FOXJ3: variants seen among roughly 807,000 people sequenced by gnomAD.
The protein encoded by FOXJ3 is forkhead box J3.
Under a neutral mutation model 76.1 loss-of-function variants are expected in FOXJ3, and 22 were observed. That is an observed-to-expected ratio of 0.29 (90% CI 0.21 to 0.41). The LOEUF is 0.41. Ranked by LOEUF, FOXJ3 falls within the 10% of genes least tolerant of loss-of-function variation. FOXJ3 has a pLI of 1.00. For synonymous variants in FOXJ3, 269 were observed against 261.2 expected (o/e 1.03, Z -0.29); for missense variants, 613 against 762.1 (o/e 0.80, Z 2.30).
chr1:42,302,248 T>C (rs2124735467), intron 2 of FOXJ3, among the ~76,000 whole-genome samples: 1 of 152,344 alleles, frequency 6.6e-6, no homozygotes, highest in Non-Finnish European at 1.5e-5. Context: ...TACTGTGTCA[T>C]GCAATTAAAC....
At chr1:42,292,967 G>T (rs1653539893) in intron 2 of FOXJ3, among the ~76,000 whole-genome samples, 1 of 152,006 alleles carries the variant, frequency 6.6e-6, no homozygotes, top group Non-Finnish European at 1.5e-5. Context: ...CAGGTGTGGT[G>T]GTGGGCACCT....
At chr1:42,189,011 G>T in intron 10 of FOXJ3, 83 bp from the exon 11 acceptor site, 2 of 924,268 alleles carry the variant, frequency 2.2e-6, no homozygotes, top group Non-Finnish European at 3.1e-6. Context: ...ATTTTTTTCA[G>T]CTCTCAAAAT....
chr1:42,333,815 A>C (rs1379522133), intron 1 of FOXJ3, among the ~76,000 whole-genome samples: 1 of 152,246 alleles, frequency 6.6e-6, no homozygotes, highest in Non-Finnish European at 1.5e-5. Flanking sequence ...GAAGTAAAAG[A>C]GCTTCTACAA....
chr1:42,324,089 CTGTATATAT>C (rs1451396331), intron 1 of FOXJ3, among the ~76,000 whole-genome samples: 3 of 50,842 alleles, frequency 5.9e-5, no homozygotes, highest in African/African-American at 1.6e-4. Context: ...AGTATATATA[CTGTATATAT>C]ACTGTGTATA....
At chr1:42,182,065 A>G (rs1410805282) in intron 11 of FOXJ3, 41 bp from the exon 12 acceptor site, 1 of 1,049,466 alleles carries the variant, frequency 9.5e-7, no homozygotes, top group South Asian at 1.4e-5. Flanking sequence ...ACATGTTACC[A>G]CAAATAAAAC....
intron 3 of FOXJ3, among the ~76,000 whole-genome samples, chr1:42,274,676 G>T (rs1652124340): frequency 6.6e-6 from 1 of 152,076 alleles, no homozygotes; most frequent in Non-Finnish European, 1.5e-5. Context: ...GTGCCTGGCA[G>T]ACAGAAAATA....
intron 2 of FOXJ3, among the ~76,000 whole-genome samples, chr1:42,289,235 G>A (rs1218423193): frequency 6.6e-6 from 1 of 151,514 alleles, no homozygotes; most frequent in Non-Finnish European, 1.5e-5. Context: ...ATATAATTAT[G>A]TATGTGTGTT....
At chr1:42,332,098 T>G (rs1255441527) in intron 1 of FOXJ3, among the ~76,000 whole-genome samples, 1 of 152,208 alleles carries the variant, frequency 6.6e-6, no homozygotes, top group South Asian at 2.1e-4. Context: ...TACACCGCAT[T>G]TGAAACTGTC....
Position 42,222,859 on chromosome 1 carries a change from C to T in FOXJ3, c.528+5024G>A, listed in dbSNP as rs567153889. The stretch of plus-strand genomic sequence containing the variant: ...CTTTTAATGATAGACACTTAACCCT[C>T]ATTTATTAGACATATACCCTGAATG... On this transcript the variant is annotated intron_variant, in intron 5 of 12. Coordinates refer to ENST00000361346, the MANE Select transcript of FOXJ3 (RefSeq NM_014947.5). 1.5e-3 allele frequency among the ~76,000 whole-genome samples: 225 copies of T among 152,254 alleles called. 1 individual carries two copies. The highest frequency in any genetic ancestry group is 5.3e-3 in the African/African-American group (219 of 41,542).
intron 1 of FOXJ3, among the ~76,000 whole-genome samples, chr1:42,322,384 T>C (rs1433103442): frequency 6.6e-6 from 1 of 152,062 alleles, no homozygotes. Flanking sequence ...AGAAAATATT[T>C]ACATTTTCTT....
chr1:42,272,165 T>C (rs1651911672), intron 3 of FOXJ3, among the ~76,000 whole-genome samples: 1 of 152,206 alleles, frequency 6.6e-6, no homozygotes, highest in African/African-American at 2.4e-5. Context: ...TCTGGAAAGG[T>C]GGTGACAGTC....
chr1:42,328,195 C>T (rs1655953386), intron 1 of FOXJ3, among the ~76,000 whole-genome samples: 1 of 152,202 alleles, frequency 6.6e-6, no homozygotes, highest in African/African-American at 2.4e-5. Context: ...ACTTGTGGCG[C>T]TAAGGCAGGA....
intron 4 of FOXJ3, among the ~76,000 whole-genome samples, chr1:42,263,332 C>A: frequency 6.6e-6 from 1 of 151,862 alleles, no homozygotes; most frequent in East Asian, 1.9e-4. Flanking sequence ...TTTAAAAATC[C>A]AATCAGAACC....
At chr1:42,190,457 G>A (rs941764991) in intron 9 of FOXJ3, among the ~76,000 whole-genome samples, 1 of 152,200 alleles carries the variant, frequency 6.6e-6, no homozygotes, top group African/African-American at 2.4e-5. Flanking sequence ...AAATTTGTTA[G>A]GTGGGAGGGG....
chr1:42,242,566 CA>C (rs67533279), intron 4 of FOXJ3, among the ~76,000 whole-genome samples: 60,154 of 139,570 alleles, frequency 0.43, 12,631 homozygotes, highest in East Asian at 0.57. Context: ...TCAATAAGAC[CA>C]AAAAAAAAAA....
chr1:42,278,742 AC>A (rs1284870605), intron 2 of FOXJ3, 70 bp from the exon 3 acceptor site: 3 of 1,160,178 alleles, frequency 2.6e-6, no homozygotes, highest in African/African-American at 3.1e-5. Context: ...TCCAATATTC[AC>A]AAATCTAGGA....
intron 6 of FOXJ3, among the ~76,000 whole-genome samples, chr1:42,203,795 A>G (rs1215417872): frequency 1.3e-5 from 2 of 152,100 alleles, no homozygotes; most frequent in Non-Finnish European, 2.9e-5. Context: ...CAGGAGTTTG[A>G]GACCAGCCTG....
chr1:42,255,138 C>T (rs767671402), intron 4 of FOXJ3, among the ~76,000 whole-genome samples: 11 of 151,930 alleles, frequency 7.2e-5, no homozygotes, highest in Non-Finnish European at 1.5e-4. Context: ...ACGGGATTTA[C>T]GGTATAAGTA....
rs1293292454 is a variant in FOXJ3, at chr1:42,191,428, T to C, written c.1226A>G (p.Gln409Arg). ...ATGCTGGGGGTGAGGGGACTGGAGC[T>C]GGCTGTGTTGCTGTGGGTGTGGTGC... ...HPAPHPQQHS[Q>R]LQSPHPQHPS... is the part of the protein sequence containing the mutation. The change falls in exon 9 of 13, where the codon CAG becomes CGG. Residue 409 changes from glutamine to arginine, a missense_variant. Around this residue, in one of 3 missense-constraint regions of FOXJ3, gnomAD observed 526 missense variants for 601.4 expected, o/e 0.87. Coordinates refer to ENST00000361346, the MANE Select transcript of FOXJ3 (RefSeq NM_014947.5). The C allele has an allele frequency of 1.2e-6, 2 of 1,612,328 alleles. No individual in the cohort carries two copies. Among genetic ancestry groups the C allele is most frequent in the Admixed American group, 3.3e-5 (2 of 60,002 alleles).
Sources: gnomAD v4.1 joint callset for allele counts (sites outside exome capture counted in the v4.1 genomes callset) on GRCh38, gnomAD v4.1.1 for gene constraint, gnomAD v4.1.1 regional missense constraint, MANE v1.5 for transcripts, NCBI Gene and HGNC (gene_info 2026-07-23, HGNC 2026-07-21) for gene names.